Variants in CA10 observed in about 807,000 individuals in gnomAD.
CA10 encodes the protein carbonic anhydrase-related protein 10.
A neutral mutation model predicts 44.2 loss-of-function variants in CA10; 14 were observed. That is an observed-to-expected ratio of 0.32 (90% CI 0.21 to 0.50). The LOEUF (loss-of-function observed/expected upper bound fraction) is 0.50, where lower values mean the gene tolerates loss of function less well. Ranked by LOEUF, CA10 falls within the 20% of genes least tolerant of loss-of-function variation. The probability of loss-of-function intolerance (pLI) is 0.99; values close to 1 mark genes in which losing one functional copy is unlikely to be tolerated. For missense variants in CA10, 350 were observed against 409.7 expected (o/e 0.85, Z 1.26); for synonymous variants, 159 against 141.6 (o/e 1.12, Z -0.87).
intron 2 of CA10, among the ~76,000 whole-genome samples, chr17:51,982,590 G>T (rs1567908417): frequency 6.6e-6 from 1 of 151,974 alleles, no homozygotes; most frequent in East Asian, 1.9e-4. Context: ...ATTCCAAACT[G>T]TGTCTAGTGG....
At chr17:51,640,122 T>TAG (rs896025254) in intron 6 of CA10, among the ~76,000 whole-genome samples, 17 of 152,208 alleles carry the variant, frequency 1.1e-4, no homozygotes, top group Non-Finnish European at 2.4e-4. Flanking sequence ...CTGTGAGCCT[T>TAG]CAGGGGAAGG....
At chr17:51,724,357 A>G (rs1178062388) in intron 4 of CA10, among the ~76,000 whole-genome samples, 1 of 152,186 alleles carries the variant, frequency 6.6e-6, no homozygotes, top group Non-Finnish European at 1.5e-5. Flanking sequence ...AGGAGGGTCT[A>G]GTTGGGATAT....
chr17:51,656,758 G>A (rs1913810695), intron 4 of CA10, among the ~76,000 whole-genome samples: 1 of 152,146 alleles, frequency 6.6e-6, no homozygotes, highest in South Asian at 2.1e-4. Context: ...CCTGAATCAA[G>A]ATCTGCATTT....
intron 2 of CA10, among the ~76,000 whole-genome samples, chr17:52,005,835 G>A (rs2044405673): frequency 6.6e-6 from 1 of 151,856 alleles, no homozygotes; most frequent in Non-Finnish European, 1.5e-5. Flanking sequence ...AGAATGGTGG[G>A]CCATAAACCA....
chr17:51,747,376 A>T (rs1904724830), intron 4 of CA10, among the ~76,000 whole-genome samples: 1 of 152,224 alleles, frequency 6.6e-6, no homozygotes, highest in African/African-American at 2.4e-5. Context: ...ATCACTGGAC[A>T]TGAGTCTCAA....
intron 2 of CA10, among the ~76,000 whole-genome samples, chr17:51,988,839 T>C (rs981714772): frequency 6.6e-6 from 1 of 152,072 alleles, no homozygotes; most frequent in Non-Finnish European, 1.5e-5. Context: ...GAAATTAATA[T>C]TTTATTAACT....
intron 1 of CA10, among the ~76,000 whole-genome samples, chr17:52,097,542 T>C (rs569783172): frequency 6.6e-6 from 1 of 152,286 alleles, no homozygotes; most frequent in African/African-American, 2.4e-5. Flanking sequence ...TTGATATTTC[T>C]ATCCAGTACA....
At chr17:51,957,594 G>A (rs1983714512) in intron 2 of CA10, among the ~76,000 whole-genome samples, 1 of 152,130 alleles carries the variant, frequency 6.6e-6, no homozygotes, top group South Asian at 2.1e-4. Flanking sequence ...AGGAGCACCT[G>A]CAATAGCACA....
intron 3 of CA10, among the ~76,000 whole-genome samples, chr17:51,840,468 C>T (rs1290529177): frequency 2.2e-5 from 3 of 136,536 alleles, no homozygotes; most frequent in Non-Finnish European, 4.7e-5. Context: ...AACTCAATCC[C>T]AACCTTTAAT....
chr17:51,657,967 T>G (rs1402917819), intron 4 of CA10, among the ~76,000 whole-genome samples: 1 of 152,270 alleles, frequency 6.6e-6, no homozygotes, highest in African/African-American at 2.4e-5. Context: ...GTGAAAGGGT[T>G]AAACCTGGAT....
intron 2 of CA10, among the ~76,000 whole-genome samples, chr17:51,978,068 G>A (rs1418578841): frequency 6.6e-6 from 1 of 152,044 alleles, no homozygotes; most frequent in Non-Finnish European, 1.5e-5. Context: ...GGTTTGGAAG[G>A]CTCAGTATTA....
chr17:51,752,305 A>G (rs1380674046), intron 3 of CA10, among the ~76,000 whole-genome samples: 2 of 151,324 alleles, frequency 1.3e-5, no homozygotes, highest in East Asian at 1.9e-4. Context: ...TCAATGAACT[A>G]TTTGGGTGCG....
At chr17:51,873,156 G>A (rs775868762) in intron 3 of CA10, among the ~76,000 whole-genome samples, 23 of 152,256 alleles carry the variant, frequency 1.5e-4, no homozygotes, top group Non-Finnish European at 1.6e-4. Flanking sequence ...CACCTGCAAA[G>A]TGGGGACCAT....
At chr17:51,852,772 T>C (rs1978851807) in intron 3 of CA10, among the ~76,000 whole-genome samples, 1 of 152,174 alleles carries the variant, frequency 6.6e-6, no homozygotes, top group South Asian at 2.1e-4. Context: ...AGTGTTGTTG[T>C]CAAGGTTAAG....
chr17:51,676,310 C>T (rs929732002), intron 4 of CA10, among the ~76,000 whole-genome samples: 3 of 152,122 alleles, frequency 2.0e-5, no homozygotes, highest in Non-Finnish European at 4.4e-5. Flanking sequence ...CAGGAGGAGA[C>T]CAGAGGGCCA....
chr17:51,945,998 C>A (rs1649760133), intron 2 of CA10, among the ~76,000 whole-genome samples: 2 of 152,170 alleles, frequency 1.3e-5, no homozygotes, highest in Admixed American at 6.5e-5. Flanking sequence ...GAAATCTTGT[C>A]ATTTGGGACA....
At chr17:51,946,972 T>C (rs1041823553) in intron 2 of CA10, among the ~76,000 whole-genome samples, 1 of 152,004 alleles carries the variant, frequency 6.6e-6, no homozygotes, top group Non-Finnish European at 1.5e-5. Context: ...TCTCATATAT[T>C]CGCACATTTC....
chr17:51,658,156 A>T (rs1331698852), intron 4 of CA10, among the ~76,000 whole-genome samples: 2 of 152,134 alleles, frequency 1.3e-5, no homozygotes, highest in Non-Finnish European at 2.9e-5. Context: ...CATTCTCTAT[A>T]TCTAAGAAGT....
intron 3 of CA10, among the ~76,000 whole-genome samples, chr17:51,840,428 A>G (rs1978309831): frequency 6.6e-6 from 1 of 151,928 alleles, no homozygotes; most frequent in South Asian, 2.1e-4. Context: ...CTGTCCCAAC[A>G]ATAGATTTTT....
Sources: gnomAD v4.1 joint callset for allele counts (sites outside exome capture counted in the v4.1 genomes callset) on GRCh38, gnomAD v4.1.1 for gene constraint, MANE v1.5 for transcripts, NCBI Gene and HGNC (gene_info 2026-07-23, HGNC 2026-07-21) for gene names.